The following OXR1 variants were observed in gnomAD, a reference collection of about 807,000 sequenced individuals.
OXR1 encodes oxidation resistance 1, also known as oxidation resistance protein 1.
A neutral mutation model predicts 104.6 loss-of-function variants in OXR1; 41 were observed. That is an observed-to-expected ratio of 0.39 (90% CI 0.31 to 0.51). The LOEUF is 0.51. Ranked by LOEUF, OXR1 falls within the 20% of genes least tolerant of loss-of-function variation. The pLI, the probability that OXR1 is intolerant of heterozygous loss-of-function variation, is 0.77. For missense variants in OXR1, 955 were observed against 1,031.9 expected, an observed-to-expected ratio of 0.93 and a Z score of 1.02; for synonymous variants, 348 against 348.4, an observed-to-expected ratio of 1.00 and a Z score of 0.01.
At chr8:106,430,717 G>A (rs1230777730) in intron 2 of OXR1, among the ~76,000 whole-genome samples, 1 of 152,078 alleles carries the variant, frequency 6.6e-6, no homozygotes, top group Non-Finnish European at 1.5e-5. Context: ...TAGTACCAGT[G>A]GATTTCAAGG....
At chr8:106,587,419 A>G (rs1818714830) in intron 3 of OXR1, among the ~76,000 whole-genome samples, 1 of 152,228 alleles carries the variant, frequency 6.6e-6, no homozygotes, top group South Asian at 2.1e-4. Context: ...AAAATATACT[A>G]CAAAGATCAG....
At chr8:106,595,391 A>G (rs1819439360) in intron 3 of OXR1, among the ~76,000 whole-genome samples, 1 of 152,032 alleles carries the variant, frequency 6.6e-6, no homozygotes, top group African/African-American at 2.4e-5. Context: ...CTCTACTAAA[A>G]ATACAAAAAT....
intron 2 of OXR1, among the ~76,000 whole-genome samples, chr8:106,446,878 A>G (rs1181478677): frequency 6.6e-6 from 1 of 152,184 alleles, no homozygotes; most frequent in African/African-American, 2.4e-5. Flanking sequence ...GTGAGCCAAG[A>G]TGGTGCCACT....
intron 11 of OXR1, among the ~76,000 whole-genome samples, chr8:106,722,832 G>A (rs1172274537): frequency 6.6e-6 from 1 of 152,152 alleles, no homozygotes; most frequent in Non-Finnish European, 1.5e-5. Flanking sequence ...ATATTTCTAT[G>A]TTGAGAACCT....
chr8:106,412,238 T>A (rs1251237230), intron 2 of OXR1, among the ~76,000 whole-genome samples: 2 of 152,126 alleles, frequency 1.3e-5, no homozygotes, highest in East Asian at 3.9e-4. Context: ...TGCCCCAGGC[T>A]TTTTGTGCCA....
chr8:106,718,330 C>A (rs1832464175), intron 11 of OXR1, among the ~76,000 whole-genome samples: 2 of 152,028 alleles, frequency 1.3e-5, no homozygotes, highest in East Asian at 3.9e-4. Context: ...CATTGAAGAC[C>A]AGTCCTATTG....
chr8:106,296,313 G>GA (rs1216891650), intron 1 of OXR1, among the ~76,000 whole-genome samples: 1 of 152,104 alleles, frequency 6.6e-6, no homozygotes, highest in Non-Finnish European at 1.5e-5. Context: ...GGCATAAAAA[G>GA]AATTAGTGAT....
chr8:106,704,384 T>TTTC lies in OXR1; in HGVS notation c.860+1303_860+1305dup, dbSNP rs764600754. Among the ~76,000 whole-genome samples the TTTC allele has an allele frequency of 3.9e-3, 540 of 138,126 alleles. 3 individuals carry two copies. Among genetic ancestry groups the TTTC allele is most frequent in the Middle Eastern group, 0.012 (3 of 244 alleles). 90.6% of individuals were successfully genotyped at this position (138,126 alleles called of 152,430 possible). ...TTTTCTTTCTTTTTCTTTTTCTTTC[T>TTTC]TTCTTCTTCTTTTTTTTTTTTTTTT... On this transcript the variant is annotated intron_variant, in intron 8 of 16. Coordinates refer to ENST00000517566, the MANE Select transcript of OXR1 (RefSeq NM_001198533.2).
intron 1 of OXR1, among the ~76,000 whole-genome samples, chr8:106,321,833 T>C (rs566505140): frequency 1.3e-5 from 2 of 152,350 alleles, no homozygotes; most frequent in South Asian, 4.1e-4. Flanking sequence ...TGATGTTTGA[T>C]GTTGGAAAAA....
intron 2 of OXR1, among the ~76,000 whole-genome samples, chr8:106,387,598 G>T (rs1286051861): frequency 6.6e-6 from 1 of 152,154 alleles, no homozygotes; most frequent in Non-Finnish European, 1.5e-5. Context: ...ATGGAAAACT[G>T]CAAGGGTCAC....
intron 1 of OXR1, among the ~76,000 whole-genome samples, chr8:106,354,702 T>A (rs1298978973): frequency 6.6e-6 from 1 of 152,142 alleles, no homozygotes; most frequent in African/African-American, 2.4e-5. Context: ...CTATATTTAT[T>A]ATGTGGTAGG....
At chr8:106,622,309 T>C (rs13279290) in intron 3 of OXR1, among the ~76,000 whole-genome samples, 8,383 of 152,126 alleles carry the variant, frequency 0.055, 274 homozygotes, top group South Asian at 0.078. Context: ...TGTCTCTGCT[T>C]TTGCTCCCCA....
At chr8:106,379,832 C>A (rs750487991) in intron 2 of OXR1, among the ~76,000 whole-genome samples, 12 of 152,006 alleles carry the variant, frequency 7.9e-5, no homozygotes, top group Non-Finnish European at 1.5e-4. Flanking sequence ...CATGAGCTAC[C>A]AAACCCGGTC....
intron 2 of OXR1, among the ~76,000 whole-genome samples, chr8:106,474,960 G>T (rs1466784495): frequency 6.6e-6 from 1 of 151,892 alleles, no homozygotes; most frequent in Admixed American, 6.6e-5. Flanking sequence ...CTGTTTAATA[G>T]CTTTTGGCCT....
At chr8:106,620,277 C>A (rs1452238431) in intron 3 of OXR1, among the ~76,000 whole-genome samples, 3 of 152,064 alleles carry the variant, frequency 2.0e-5, no homozygotes, top group African/African-American at 2.4e-5. Context: ...AATCTAAAAT[C>A]ACCTTGTGAT....
intron 3 of OXR1, among the ~76,000 whole-genome samples, chr8:106,589,005 T>C (rs1222694406): frequency 1.3e-5 from 2 of 152,056 alleles, no homozygotes; most frequent in African/African-American, 4.8e-5. Context: ...ATAAAGAAAG[T>C]GGCTTTATTC....
Position 106,692,769 on chromosome 8 carries a change from T to C in OXR1, c.567T>C (p.Thr189=), listed in dbSNP as rs746787567. 1.9e-6 allele frequency: 3 copies of C among 1,588,722 alleles called. No individual in the cohort carries two copies. Among genetic ancestry groups the C allele is most frequent in the Non-Finnish European group, 2.6e-6 (3 of 1,165,902 alleles). The change falls in exon 7 of 17, where the codon ACT becomes ACC. Residue 189 remains threonine (T), a synonymous_variant. Transcript: ENST00000517566. ...VHPTEATPSS[T]FTGIRPARVV... ...CAACAGAAGCAACTCCCTCATCTACTTTCACTGGTATTCGACCTGCACGAG... is the reference window on the plus strand; with the variant it reads ...CAACAGAAGCAACTCCCTCATCTACCTTCACTGGTATTCGACCTGCACGAG...
At chr8:106,653,783 G>GA (rs941155949) in intron 3 of OXR1, among the ~76,000 whole-genome samples, 4 of 151,796 alleles carry the variant, frequency 2.6e-5, no homozygotes, top group Non-Finnish European at 5.9e-5. Context: ...AATTGGAAGG[G>GA]AAAAAACAAA....
At chr8:106,593,737 C>T (rs975463563) in intron 3 of OXR1, among the ~76,000 whole-genome samples, 4 of 152,130 alleles carry the variant, frequency 2.6e-5, no homozygotes, top group East Asian at 3.9e-4. Flanking sequence ...AATCGCGCCA[C>T]GGCACTCCAG....
Sources: gnomAD v4.1 joint callset for allele counts (sites outside exome capture counted in the v4.1 genomes callset) on GRCh38, gnomAD v4.1.1 for gene constraint, MANE v1.5 for transcripts, NCBI Gene and HGNC (gene_info 2026-07-23, HGNC 2026-07-21) for gene names.